The following COPS2 variants were observed in gnomAD, a reference collection of about 807,000 sequenced individuals.
The protein encoded by COPS2 is COP9 signalosome subunit 2, also known as COP9 signalosome complex subunit 2.
Under a neutral mutation model 66.1 loss-of-function variants are expected in COPS2, and 10 were observed. That is an observed-to-expected ratio of 0.15 (90% CI 0.09 to 0.26). The LOEUF is 0.26. Ranked by LOEUF, COPS2 falls within the 10% of genes least tolerant of loss-of-function variation. COPS2 has a pLI of 1.00. For synonymous variants in COPS2, 179 were observed against 171.3 expected (o/e 1.04, Z -0.35); for missense variants, 215 against 513.3 (o/e 0.42, Z 5.62).
rs542933803 is a variant in COPS2 at position 49,154,831 on chromosome 15, A to T, written c.54+694T>A. 9.1e-4 allele frequency among the ~76,000 whole-genome samples: 138 copies of T among 152,314 alleles called. 5 individuals are homozygous for T. The South Asian group carries it at 0.027, about 30-fold the overall frequency. ...TATACTGGGAAATTTCTAAGGGAAA[A>T]GCCATGGGTTCAATTATCTTTCACC... On this transcript the variant is annotated intron_variant, in intron 1 of 12. Transcript: ENST00000388901.
At chr15:49,134,299 T>A in intron 7 of COPS2, 41 bp downstream of exon 7, 1 of 1,581,354 alleles carries the variant, frequency 6.3e-7, no homozygotes, top group Non-Finnish European at 8.6e-7. Context: ...CACTTTGATA[T>A]CTCCCCATGC....
chr15:49,140,106 C>T (rs2084281236), intron 3 of COPS2, among the ~76,000 whole-genome samples: 1 of 152,182 alleles, frequency 6.6e-6, no homozygotes, highest in African/African-American at 2.4e-5. Context: ...CCTGCCTCAG[C>T]CCTCCAAGTA....
At position 49,124,650 on chromosome 15, in the gene COPS2, T is replaced by C. The variant is rs929658329; in HGVS notation, c.*3300A>G. 6 of 152,310 alleles carry C rather than the reference T, an allele frequency of 3.9e-5. No homozygotes were observed. Among genetic ancestry groups the C allele is most frequent in the African/African-American group, 1.4e-4 (6 of 41,576 alleles). 9.4% of individuals were successfully genotyped at this position (152,310 alleles called of 1,614,324 possible). A position where few individuals can be genotyped will look rare whatever the true frequency, so the allele number is the denominator to read the frequency against. Reference sequence around the variant, plus strand: ...ATGTCAAATTCCTTTTTTTGTTATATACTTCAGTTCAAAATGTTTATCTTC... The same window carrying C: ...ATGTCAAATTCCTTTTTTTGTTATACACTTCAGTTCAAAATGTTTATCTTC... On this transcript the variant is annotated 3_prime_UTR_variant, in exon 13 of 13. Transcript: ENST00000388901.
chr15:49,153,884 G>C (rs1428844181), intron 1 of COPS2, among the ~76,000 whole-genome samples: 2 of 152,018 alleles, frequency 1.3e-5, no homozygotes, highest in Non-Finnish European at 2.9e-5. Context: ...TGTTGTGGGG[G>C]GAAGAGGAGT....
chr15:49,137,743 G>A (rs1395085020), intron 4 of COPS2: 3 of 213,078 alleles, frequency 1.4e-5, no homozygotes. Context: ...AATACATTCT[G>A]TATTTTATTT....
At chr15:49,144,916 T>C (rs377291659) in intron 2 of COPS2, 49 bp downstream of exon 2, 19 of 1,023,640 alleles carry the variant, frequency 1.9e-5, no homozygotes, top group Non-Finnish European at 2.8e-5. Context: ...TGTTCTAGCA[T>C]ATCATTAAAA....
chr15:49,133,536 C>T (rs373043194), intron 9 of COPS2, among the ~76,000 whole-genome samples: 1 of 136,214 alleles, frequency 7.3e-6, no homozygotes, highest in Non-Finnish European at 1.6e-5. Context: ...GACAGACACA[C>T]ACACATGGAT....
intron 1 of COPS2, among the ~76,000 whole-genome samples, chr15:49,149,058 A>G (rs997598363): frequency 6.6e-6 from 1 of 152,218 alleles, no homozygotes; most frequent in Non-Finnish European, 1.5e-5. Flanking sequence ...TTTAAAAACA[A>G]ATGAAGAGGT....
In COPS2 at chr15:49,126,495, G is replaced by A. The variant is rs1408453937; in HGVS notation, c.*1455C>T. ...CTTCTGTAACCACAATCTTCCTTCT[G>A]AACTGCCACCCAGTTTTTACATAAT... is the stretch of plus-strand genomic sequence containing the variant. On this transcript the variant is annotated 3_prime_UTR_variant, in exon 13 of 13. Transcript: ENST00000388901. 6.6e-6 allele frequency: 1 copy of A among 152,316 alleles called. No individual in the cohort carries two copies. Among genetic ancestry groups the A allele is most frequent in the Non-Finnish European group, 1.5e-5 (1 of 67,904 alleles). The allele number at this position is 152,316 out of a possible 1,614,324, so 9.4% of individuals were successfully genotyped here.
chr15:49,147,045 C>T (rs1246452297), intron 1 of COPS2, among the ~76,000 whole-genome samples: 2 of 152,114 alleles, frequency 1.3e-5, no homozygotes, highest in African/African-American at 4.8e-5. Flanking sequence ...TTTCAGATCT[C>T]AGCCTAAGGG....
intron 1 of COPS2, among the ~76,000 whole-genome samples, chr15:49,150,464 C>T (rs1250053582): frequency 6.6e-6 from 1 of 151,998 alleles, no homozygotes; most frequent in Non-Finnish European, 1.5e-5. Flanking sequence ...TTCTACTGAT[C>T]TTTTTATTAA....
intron 9 of COPS2, among the ~76,000 whole-genome samples, chr15:49,133,294 T>C (rs1371612918): frequency 1.3e-5 from 2 of 152,198 alleles, no homozygotes; most frequent in Non-Finnish European, 2.9e-5. Context: ...AGCCTATCCA[T>C]TGTAAACATT....
At position 49,134,444 on chromosome 15, in the gene COPS2, A is replaced by G; in HGVS notation, c.611T>C (p.Met204Thr). 6.2e-7 allele frequency: 1 copy of G among 1,612,852 alleles called. No homozygotes were observed. Among genetic ancestry groups the G allele is most frequent in the Non-Finnish European group, 8.5e-7 (1 of 1,179,678 alleles). ...LLEIYALEIQ[M>T]YTAQKNNKKL... ...TTTGTTATTTTTCTGTGCTGTGTAC[A>G]TTTGAATTTCCAAAGCATATATTTC... The change falls in exon 7 of 13, where the codon ATG (methionine) becomes ACG (threonine). Residue 204 changes from methionine (M) to threonine (T), a missense_variant. By Grantham distance (81) the Met-to-Thr change is moderately conservative (BLOSUM62 -1). This residue lies in a region of COPS2 where 90 missense variants were observed against 225.1 expected (regional missense o/e 0.40). Transcript: ENST00000388901.
Position 49,124,291 on chromosome 15 carries a change from G to A in COPS2, c.*3659C>T, listed in dbSNP as rs530636184. The A allele has an allele frequency of 2.0e-5, 3 of 152,174 alleles. No individual in the cohort carries two copies. The highest frequency in any genetic ancestry group is 6.5e-5 in the Admixed American group (1 of 15,274). 9.4% of individuals were successfully genotyped at this position (152,174 alleles called of 1,614,324 possible). A position where few individuals can be genotyped will look rare whatever the true frequency, so the allele number is the denominator to read the frequency against. ...GGAGATTGAGGCAGGAGAATCGCTTGAACCCGGGAGGTGGAGGTGGCAGTG... is the reference window on the plus strand; with the variant it reads ...GGAGATTGAGGCAGGAGAATCGCTTAAACCCGGGAGGTGGAGGTGGCAGTG... On this transcript the variant is annotated 3_prime_UTR_variant, in exon 13 of 13. Coordinates refer to ENST00000388901, the MANE Select transcript of COPS2 (RefSeq NM_004236.4).
chr15:49,122,766 T>C lies in COPS2; in HGVS notation c.*5184A>G, dbSNP rs2084135128. The stretch of plus-strand genomic sequence containing the variant: ...TTTATTACCAATAAGGAATGTGCAC[T>C]TCCAGATAAATAAAAAAACCCTTGA... On this transcript the variant is annotated 3_prime_UTR_variant, in exon 13 of 13. Coordinates refer to ENST00000388901, the MANE Select transcript of COPS2 (RefSeq NM_004236.4). 6.6e-6 allele frequency: 1 copy of C among 152,174 alleles called. No homozygotes were observed. The highest frequency in any genetic ancestry group is 1.5e-5 in the Non-Finnish European group (1 of 68,014). 9.4% of individuals were successfully genotyped at this position (152,174 alleles called of 1,614,324 possible). A position where few individuals can be genotyped will look rare whatever the true frequency, so the allele number is the denominator to read the frequency against.
chr15:49,123,648 C>G lies in COPS2; in HGVS notation c.*4302G>C, dbSNP rs1275540922. The stretch of plus-strand genomic sequence containing the variant: ...TTTGCCAACACGGAACAAAGTTGCC[C>G]CCGAATAGTAAGTACTTAAGAAATA... On this transcript the variant is annotated 3_prime_UTR_variant, in exon 13 of 13. Coordinates refer to ENST00000388901, the MANE Select transcript of COPS2 (RefSeq NM_004236.4). 6.6e-6 allele frequency: 1 copy of G among 152,028 alleles called. No individual in the cohort carries two copies. The highest frequency in any genetic ancestry group is 1.9e-4 in the East Asian group (1 of 5,188). The allele number at this position is 152,028 out of a possible 1,614,324, so 9.4% of individuals were successfully genotyped here. A position where few individuals can be genotyped will look rare whatever the true frequency, so the allele number is the denominator to read the frequency against.
chr15:49,124,295 C>T lies in COPS2; in HGVS notation c.*3655G>A, dbSNP rs1170052806. ...ATTGAGGCAGGAGAATCGCTTGAACCCGGGAGGTGGAGGTGGCAGTGAACT... is the reference window on the plus strand; with the variant it reads ...ATTGAGGCAGGAGAATCGCTTGAACTCGGGAGGTGGAGGTGGCAGTGAACT... On this transcript the variant is annotated 3_prime_UTR_variant, in exon 13 of 13. Coordinates refer to ENST00000388901, the MANE Select transcript of COPS2 (RefSeq NM_004236.4). 1.3e-5 allele frequency: 2 copies of T among 152,214 alleles called. No homozygotes were observed. Among genetic ancestry groups the T allele is most frequent in the East Asian group, 3.9e-4 (2 of 5,176 alleles). 9.4% of individuals were successfully genotyped at this position (152,214 alleles called of 1,614,324 possible).
intron 3 of COPS2, among the ~76,000 whole-genome samples, chr15:49,140,003 T>C (rs2084280569): frequency 6.6e-6 from 1 of 152,162 alleles, no homozygotes; most frequent in East Asian, 1.9e-4. Flanking sequence ...TTCTTTTTTT[T>C]TGAGACAGAG....
chr15:49,127,810 T>G lies in COPS2; in HGVS notation c.*140A>C, dbSNP rs2084178836. ...ATGCAGCAGCAAAACACAAACCAGT[T>G]GATCAAAAAAGCACTTCTGCCATAA... On this transcript the variant is annotated 3_prime_UTR_variant, in exon 13 of 13. Coordinates refer to ENST00000388901, the MANE Select transcript of COPS2 (RefSeq NM_004236.4). The G allele has an allele frequency of 2.3e-6, 2 of 879,600 alleles. No individual in the cohort carries two copies. Among genetic ancestry groups the G allele is most frequent in the Non-Finnish European group, 3.4e-6 (2 of 590,588 alleles). 54.5% of individuals were successfully genotyped at this position (879,600 alleles called of 1,614,324 possible).
Sources: allele counts gnomAD v4.1 joint callset (sites outside exome capture counted in the v4.1 genomes callset), GRCh38; gene constraint gnomAD v4.1.1; regional missense constraint gnomAD v4.1.1; transcripts MANE v1.5; gene names NCBI Gene and HGNC (gene_info 2026-07-23, HGNC 2026-07-21).